Variants in PYGM observed in about 807,000 individuals in gnomAD.
The protein encoded by PYGM is glycogen phosphorylase, muscle associated.
PYGM carries 81 observed loss-of-function variants against 99.3 expected under a neutral mutation model. That is an observed-to-expected ratio of 0.82 (90% CI 0.68 to 0.98). PYGM has a LOEUF of 0.98. Among genes scored for constraint, PYGM ranks in the 50% least tolerant of loss-of-function variants. PYGM has a pLI of 0.00. For synonymous variants in PYGM, 436 were observed against 451.5 expected, an observed-to-expected ratio of 0.97 and a Z score of 0.44; for missense variants, 1,030 against 1,158.1, an observed-to-expected ratio of 0.89 and a Z score of 1.61.
chr11:64,753,898 A>G lies in PYGM; in HGVS notation c.1220T>C (p.Ile407Thr), dbSNP rs752045365. 1.6e-5 allele frequency: 25 copies of G among 1,582,172 alleles called. No homozygotes were observed. The Middle Eastern group carries it at 6.7e-4, about 42-fold the overall frequency. The change falls in exon 10 of 20, where the codon ATC becomes ACC. Residue 407 changes from isoleucine to threonine, a missense_variant. Coordinates refer to ENST00000164139, the MANE Select transcript of PYGM (RefSeq NM_005609.4). ...ACTCACGTTGAGGAAGCGCTGGTTG[A>G]TCTCGTAGATGATCTGGAGGTGCCG... Reference protein sequence around the residue: ...LPRHLQIIYEINQRFLNRVAA... With the variant: ...LPRHLQIIYETNQRFLNRVAA...
chr11:64,758,657 C>T lies in PYGM; in HGVS notation c.291G>A (p.Gln97=). ...SLEFYMGRTL[Q]NTMVNLALEN... ...CTAAGGCCAGGTTCACCATGGTGTT[C>T]TGTAGCGTCCGTCCCATATAGAACT... The change falls in exon 2 of 20, where the codon CAG becomes CAA. Residue 97 remains glutamine, a synonymous_variant. Transcript: ENST00000164139. 6.2e-7 allele frequency: 1 copy of T among 1,613,544 alleles called. No homozygotes were observed. Among genetic ancestry groups the T allele is most frequent in the African/African-American group, 1.3e-5 (1 of 75,014 alleles).
chr11:64,759,006 C>T (rs1278109165), intron 1 of PYGM, among the ~76,000 whole-genome samples: 1 of 538 alleles, frequency 1.9e-3, no homozygotes, highest in Non-Finnish European at 0.038. Context: ...CTTCCCCCTG[C>T]ACACACCCCC....
rs1247269916 is a variant in PYGM, at chr11:64,755,444, C to T, written c.772+3G>A. 1 of 1,613,916 alleles carries T rather than the reference C, an allele frequency of 6.2e-7. No individual in the cohort carries two copies. Among genetic ancestry groups the T allele is most frequent in the Non-Finnish European group, 8.5e-7 (1 of 1,179,786 alleles). On this transcript the variant is annotated splice_donor_region_variant and intron_variant, in intron 6 of 19. Transcript: ENST00000164139. This position sits in a 1 kb window ranked among gnomAD's most constrained non-coding sequence, Gnocchi z 4.1. ...GTTGCTGGCTACCAGTGGATGAACT[C>T]ACAGTCCTTGAGGTTGAAGTCATTG...
chr11:64,757,153 G>A (rs2058399138), intron 5 of PYGM, among the ~76,000 whole-genome samples: 1 of 151,794 alleles, frequency 6.6e-6, no homozygotes, highest in Admixed American at 6.6e-5. Context: ...GAACTCCTGA[G>A]CTCAAGCAAT....
At position 64,753,444 on chromosome 11, in the gene PYGM, G is replaced by A. The variant is rs150723593; in HGVS notation, c.1403+75C>T. ...GAGACCAGAGAGTGGTCGGTGAAGG[G>A]CGGGGCTTCTGTGTGACAGAGGCGT... On this transcript the variant is annotated intron_variant, in intron 11 of 19. Coordinates refer to ENST00000164139, the MANE Select transcript of PYGM (RefSeq NM_005609.4). 643 of 1,499,850 alleles carry A rather than the reference G, an allele frequency of 4.3e-4. 3 individuals carry two copies. In the African/African-American group the frequency reaches 7.8e-3, roughly 18 times the overall value. 92.9% of individuals were successfully genotyped at this position (1,499,850 alleles called of 1,614,324 possible).
chr11:64,750,377 C>T lies in PYGM; in HGVS notation c.2176G>A (p.Gly726Arg). 6.2e-7 allele frequency: 1 copy of T among 1,614,122 alleles called. No individual in the cohort carries two copies. Among genetic ancestry groups the T allele is most frequent in the African/African-American group, 1.3e-5 (1 of 75,044 alleles). ...VEDVDKLDQR[G>R]YNAQEYYDRI... ...GCCCGTGAACCCTGACCCCCATACC[C>T]TCTTTGGTCAAGCTTATCCACATCC... Residue 726 changes from glycine to arginine, a missense_variant and splice_region_variant, in exon 17 of 20, where the codon GGG becomes AGG. Gly to Arg is a moderately radical substitution (Grantham distance 125, BLOSUM62 -2). Coordinates refer to ENST00000164139, the MANE Select transcript of PYGM (RefSeq NM_005609.4).
At chr11:64,751,896 G>C in intron 14 of PYGM, 28 bp downstream of exon 14, 1 of 1,614,062 alleles carries the variant, frequency 6.2e-7, no homozygotes, top group Non-Finnish European at 8.5e-7. Flanking sequence ...GGAGCACTGA[G>C]AGACAGGGTA....
chr11:64,751,648 C>T lies in PYGM; in HGVS notation c.1776G>A (p.Lys592=). The T allele has an allele frequency of 6.2e-7, 1 of 1,614,022 alleles. No individual in the cohort carries two copies. Among genetic ancestry groups the T allele is most frequent in the Non-Finnish European group, 8.5e-7 (1 of 1,179,908 alleles). ...GCACAAAAAACTTATTGGGCTCCCT[C>T]TTGATGCCTGTGGAGAAACGAGAGG... ...LHVITLYNRI[K]REPNKFFVPR... is the part of the protein sequence containing the mutation. The change falls in exon 15 of 20, where the codon AAG becomes AAA. Residue 592 remains lysine (K), a synonymous_variant. Transcript: ENST00000164139.
intron 5 of PYGM, among the ~76,000 whole-genome samples, chr11:64,756,570 C>T (rs1382473709): frequency 6.6e-6 from 1 of 152,170 alleles, no homozygotes; most frequent in Non-Finnish European, 1.5e-5. Flanking sequence ...CTGGCTTCAG[C>T]CTCCTGAGTG....
chr11:64,758,219 C>A, intron 4 of PYGM, 27 bp downstream of exon 4: 1 of 1,584,866 alleles, frequency 6.3e-7, no homozygotes, highest in South Asian at 1.1e-5. Flanking sequence ...TGACTAGACC[C>A]CACAAGTTAG....
Position 64,755,504 on chromosome 11 carries a change from C to A in PYGM, c.715G>T (p.Val239Phe). ...GCAGACCAGAGGCGCATGGTGTTGA[C>A]AACATTGTTGCGATAGCCAGGCACG... ...TPVPGYRNNV[V>F]NTMRLWSAKA... The change falls in exon 6 of 20, where the codon GTC (valine) becomes TTC (phenylalanine). Residue 239 changes from valine (V) to phenylalanine (F), a missense_variant. Transcript: ENST00000164139. This position sits in a 1 kb window ranked among gnomAD's most constrained non-coding sequence, Gnocchi z 4.1. 1.9e-6 allele frequency: 3 copies of A among 1,614,126 alleles called. No individual in the cohort carries two copies. The highest frequency in any genetic ancestry group is 2.5e-6 in the Non-Finnish European group (3 of 1,179,998).
Position 64,755,967 on chromosome 11 carries a change from C to G in PYGM, c.661-409G>C, listed in dbSNP as rs759223454. Among the ~76,000 whole-genome samples the G allele has an allele frequency of 2.6e-5, 4 of 152,216 alleles. No individual in the cohort carries two copies. Among genetic ancestry groups the G allele is most frequent in the Non-Finnish European group, 5.9e-5 (4 of 68,026 alleles). On this transcript the variant is annotated intron_variant, in intron 5 of 19. Transcript: ENST00000164139. The surrounding 1 kb of genome is among the most constrained non-coding windows in gnomAD (Gnocchi z 4.1). ...ACCCAGGGCCAGGCTGAAGGGGTCACAGAGGTCAAGTCCATCCAAAGGTCT... is the reference window on the plus strand; with the variant it reads ...ACCCAGGGCCAGGCTGAAGGGGTCAGAGAGGTCAAGTCCATCCAAAGGTCT...
At chr11:64,753,413 G>C (rs1308259025) in intron 11 of PYGM, 106 bp downstream of exon 11, 2 of 1,442,306 alleles carry the variant, frequency 1.4e-6, no homozygotes, top group East Asian at 4.9e-5. Flanking sequence ...AAGGCGCCAG[G>C]GCCCAGAGAC....
At chr11:64,751,898 G>C in intron 14 of PYGM, 26 bp downstream of exon 14, 1 of 1,614,028 alleles carries the variant, frequency 6.2e-7, no homozygotes, top group Non-Finnish European at 8.5e-7. Context: ...AGCACTGAGA[G>C]ACAGGGTAGA....
rs778061067 is a variant in PYGM at position 64,754,764 on chromosome 11, G to A, written c.928C>T (p.Arg310Cys). ...CCGAACTTGGAAGACTTGAAGCGAC[G>A]GATGATGTCCTGGAGGGTGGCAGCC... Reference protein sequence around the residue: ...VVAATLQDIIRRFKSSKFGCR... With the variant: ...VVAATLQDIICRFKSSKFGCR... The change falls in exon 8 of 20, where the codon CGT becomes TGT. Residue 310 changes from arginine (R) to cysteine (C), a missense_variant. Arg to Cys is a radical substitution (Grantham distance 180). Transcript: ENST00000164139. The surrounding 1 kb of genome is among the most constrained non-coding windows in gnomAD (Gnocchi z 5.5). 1.3e-5 allele frequency: 21 copies of A among 1,613,776 alleles called. No individual in the cohort carries two copies. The highest frequency in any genetic ancestry group is 6.7e-5 in the Admixed American group (4 of 59,992).
At position 64,757,760 on chromosome 11, in the gene PYGM, C is replaced by A. The variant is rs762150795; in HGVS notation, c.660+19G>T. ...CCTCCCCTTCTCTGGGCTCCCCTGA[C>A]CCCCAGCTTCATCCTCACCTGTGTG... On this transcript the variant is annotated intron_variant, in intron 5 of 19. Transcript: ENST00000164139. 2.5e-6 allele frequency: 4 copies of A among 1,614,014 alleles called. No homozygotes were observed. In the East Asian group the frequency reaches 8.9e-5, roughly 36 times the overall value.
In PYGM at chr11:64,753,666, A is replaced by T. The variant is rs1171569516; in HGVS notation, c.1256T>A (p.Phe419Tyr). The change falls in exon 11 of 20, where the codon TTC becomes TAC. Residue 419 changes from phenylalanine to tyrosine, a missense_variant. Phe to Tyr is a conservative substitution (Grantham distance 22). Coordinates refer to ENST00000164139, the MANE Select transcript of PYGM (RefSeq NM_005609.4). Reference sequence around the variant, plus strand: ...CCGCAGCCGGTCTACGTCCCCTGGGAATGCGGCCGCCACCCGCTGTGCCCA... The same window carrying T: ...CCGCAGCCGGTCTACGTCCCCTGGGTATGCGGCCGCCACCCGCTGTGCCCA... The part of the protein sequence containing the change: ...QRFLNRVAAA[F>Y]PGDVDRLRRM... The T allele has an allele frequency of 1.2e-6, 2 of 1,607,842 alleles. No homozygotes were observed. The highest frequency in any genetic ancestry group is 1.7e-6 in the Non-Finnish European group (2 of 1,179,192).
intron 14 of PYGM, 76 bp downstream of exon 14, chr11:64,751,848 T>A: frequency 6.3e-7 from 1 of 1,589,338 alleles, no homozygotes; most frequent in South Asian, 1.1e-5. Flanking sequence ...AAAGGAGATG[T>A]TGGTTGGGCA....
At chr11:64,756,724 A>T (rs1473210694) in intron 5 of PYGM, among the ~76,000 whole-genome samples, 2 of 152,132 alleles carry the variant, frequency 1.3e-5, no homozygotes, top group Non-Finnish European at 2.9e-5. Context: ...AAGTGCTGAG[A>T]TTACAGGTGT....
Sources: gnomAD v4.1 joint callset for allele counts (sites outside exome capture counted in the v4.1 genomes callset) on GRCh38, gnomAD v4.1.1 for gene constraint, Gnocchi (gnomAD v3.1) non-coding constraint, MANE v1.5 for transcripts, NCBI Gene and HGNC (gene_info 2026-07-23, HGNC 2026-07-21) for gene names.